HABP2: variants seen among roughly 807,000 people sequenced by gnomAD.
The protein encoded by HABP2 is hyaluronan binding protein 2, also known as factor VII-activating protease.
HABP2 carries 65 observed loss-of-function variants against 66.5 expected under a neutral mutation model. That is an observed-to-expected ratio of 0.98 (90% CI 0.80 to 1.20). The LOEUF is 1.20. HABP2 is among the 50% of genes most tolerant of loss of function. The pLI is 0.00. For missense variants in HABP2, 786 were observed against 691.0 expected (o/e 1.14, Z -1.54); for synonymous variants, 263 against 253.9 (o/e 1.04, Z -0.34).
intron 1 of HABP2, among the ~76,000 whole-genome samples, chr10:113,561,496 C>T (rs879546919): frequency 6.6e-6 from 1 of 152,134 alleles, no homozygotes; most frequent in Non-Finnish European, 1.5e-5. Flanking sequence ...GGTCTCTCCT[C>T]CCCAGCTGCC....
rs542838125 is a variant in HABP2 at position 113,574,405 on chromosome 10, G to A, written c.223G>A (p.Asp75Asn). 3.3e-5 allele frequency: 48 copies of A among 1,434,756 alleles called. No homozygotes were observed. In the South Asian group the frequency reaches 5.3e-4, roughly 16 times the overall value. 88.9% of individuals were successfully genotyped at this position (1,434,756 alleles called of 1,614,324 possible). The stretch of plus-strand genomic sequence containing the variant: ...CTGGTACTACACTGAGGACCAAGCT[G>A]GTAGGTACCAAATCTCTTTCAGGGA... ...PDWYYTEDQA[D>N]PCQPNPCEHG... The change falls in exon 3 of 13, where the codon GAT (aspartate) becomes AAT (asparagine). Residue 75 changes from aspartate to asparagine, a missense_variant and splice_region_variant. Coordinates refer to ENST00000351270, the MANE Select transcript of HABP2 (RefSeq NM_004132.5).
Position 113,575,953 on chromosome 10 carries a change from A to C in HABP2, c.280A>C (p.Thr94Pro). ...HGGDCLVHGS[T>P]FTCSCLAPFS... is the part of the protein sequence containing the mutation. ...TGGGGACTGCCTCGTCCATGGGAGC[A>C]CCTTCACATGCAGCTGCCTGGCTCC... The change falls in exon 4 of 13, where the codon ACC becomes CCC. Residue 94 changes from threonine to proline, a missense_variant. Transcript: ENST00000351270. 6.2e-7 allele frequency: 1 copy of C among 1,612,498 alleles called. No homozygotes were observed. Among genetic ancestry groups the C allele is most frequent in the Non-Finnish European group, 8.5e-7 (1 of 1,178,500 alleles).
chr10:113,565,988 C>T (rs1845190702), intron 1 of HABP2, among the ~76,000 whole-genome samples: 1 of 152,188 alleles, frequency 6.6e-6, no homozygotes, highest in Non-Finnish European at 1.5e-5. Flanking sequence ...TATCAGGATG[C>T]ATTATTTCTT....
chr10:113,563,280 G>C (rs1291139432), intron 1 of HABP2, among the ~76,000 whole-genome samples: 2 of 152,194 alleles, frequency 1.3e-5, no homozygotes, highest in Non-Finnish European at 1.5e-5. Flanking sequence ...TGGAATGATG[G>C]AATGAAAGGA....
Position 113,588,740 on chromosome 10 carries a change from A to ATTCCTCAGCC in HABP2, c.*372_*381dup. 1 of 558,630 alleles carries ATTCCTCAGCC rather than the reference A, an allele frequency of 1.8e-6. No individual in the cohort carries two copies. Among genetic ancestry groups the ATTCCTCAGCC allele is most frequent in the East Asian group, 2.9e-5 (1 of 34,580 alleles). The allele number at this position is 558,630 out of a possible 1,614,324, so 34.6% of individuals were successfully genotyped here. ...CAGCGGGAACCACCATCACATCTTTATTCCTCAGCCCAGACACTCGAGGCA... is the reference window on the plus strand; with the variant it reads ...CAGCGGGAACCACCATCACATCTTTATTCCTCAGCCTTCCTCAGCCCAGACACTCGAGGCA... On this transcript the variant is annotated 3_prime_UTR_variant, in exon 13 of 13. Coordinates refer to ENST00000351270, the MANE Select transcript of HABP2 (RefSeq NM_004132.5).
chr10:113,576,640 G>A (rs566042125), intron 4 of HABP2, among the ~76,000 whole-genome samples: 10 of 152,310 alleles, frequency 6.6e-5, no homozygotes, highest in East Asian at 5.8e-4. Flanking sequence ...ATCTTACTTC[G>A]TGGAGGGAAG....
intron 1 of HABP2, among the ~76,000 whole-genome samples, chr10:113,563,632 CG>C (rs1845141494): frequency 6.6e-6 from 1 of 152,288 alleles, no homozygotes; most frequent in South Asian, 2.1e-4. Context: ...AGGAAGGGCA[CG>C]TCTGCCACCT....
chr10:113,587,901 C>T (rs1032231633), intron 12 of HABP2, among the ~76,000 whole-genome samples: 1 of 152,094 alleles, frequency 6.6e-6, no homozygotes, highest in African/African-American at 2.4e-5. Context: ...CCTATGTGTG[C>T]TGAGGGCCCC....
At chr10:113,584,409 C>A in intron 11 of HABP2, 127 bp downstream of exon 11, 1 of 760,116 alleles carries the variant, frequency 1.3e-6, no homozygotes, top group Admixed American at 2.2e-5. Flanking sequence ...CCAAAGAAAG[C>A]ATCCACCTCA....
chr10:113,560,766 C>A (rs904847537), intron 1 of HABP2, among the ~76,000 whole-genome samples: 1 of 152,160 alleles, frequency 6.6e-6, no homozygotes, highest in Non-Finnish European at 1.5e-5. Context: ...AAGGCAGTCC[C>A]AGAAGGACAA....
chr10:113,588,265 G>A lies in HABP2; in HGVS notation c.1579G>A (p.Val527Met). 1 of 1,613,772 alleles carries A rather than the reference G, an allele frequency of 6.2e-7. No homozygotes were observed. Among genetic ancestry groups the A allele is most frequent in the Non-Finnish European group, 8.5e-7 (1 of 1,179,764 alleles). ...CGGCACCTACTACGTCTATGGGATA[G>A]TGAGCTGGGGCCTGGAGTGTGGGAA... ...KDGTYYVYGI[V>M]SWGLECGKRP... Residue 527 changes from valine (V) to methionine (M), a missense_variant, in exon 13 of 13, where the codon GTG (valine) becomes ATG (methionine). Transcript: ENST00000351270.
intron 3 of HABP2, among the ~76,000 whole-genome samples, 167 bp downstream of exon 3, chr10:113,574,572 A>G (rs895259076): frequency 3.3e-5 from 5 of 152,190 alleles, no homozygotes; most frequent in African/African-American, 9.7e-5. Flanking sequence ...TTCATATGCT[A>G]TGAGGACTGG....
intron 6 of HABP2, 47 bp downstream of exon 6, chr10:113,578,192 C>T (rs1845449014): frequency 1.3e-6 from 2 of 1,594,460 alleles, no homozygotes; most frequent in Non-Finnish European, 1.7e-6. Flanking sequence ...GCCTCTGGAA[C>T]CCTTTCCTCT....
chr10:113,554,864 G>A (rs1047583304), intron 1 of HABP2, among the ~76,000 whole-genome samples: 1 of 152,208 alleles, frequency 6.6e-6, no homozygotes, highest in South Asian at 2.1e-4. Flanking sequence ...ATGAGAGTTA[G>A]CCTTCAGGCA....
At chr10:113,559,993 C>T (rs955133209) in intron 1 of HABP2, among the ~76,000 whole-genome samples, 1 of 152,240 alleles carries the variant, frequency 6.6e-6, no homozygotes, top group Non-Finnish European at 1.5e-5. Context: ...TGCTGGGCCT[C>T]ATCTTCCTCC....
Position 113,589,553 on chromosome 10 carries a change from C to CTT in HABP2, c.*1185_*1186dup. The CTT allele has an allele frequency of 9.1e-6, 12 of 1,325,092 alleles. No homozygotes were observed. Among genetic ancestry groups the CTT allele is most frequent in the Non-Finnish European group, 1.2e-5 (12 of 967,616 alleles). 82.1% of individuals were successfully genotyped at this position (1,325,092 alleles called of 1,614,324 possible). A position where few individuals can be genotyped will look rare whatever the true frequency, so the allele number is the denominator to read the frequency against. ...CGCCTTGTTTGAGCTGCGTTTCACACTTCTTTAGAGCTAGCTGACCTTTGG... is the reference window on the plus strand; with the variant it reads ...CGCCTTGTTTGAGCTGCGTTTCACACTTTTCTTTAGAGCTAGCTGACCTTTGG... On this transcript the variant is annotated 3_prime_UTR_variant, in exon 13 of 13. Coordinates refer to ENST00000351270, the MANE Select transcript of HABP2 (RefSeq NM_004132.5).
rs567639148 is a variant in HABP2 at position 113,565,752 on chromosome 10, A to G, written c.70-1737A>G. Among the ~76,000 whole-genome samples the G allele has an allele frequency of 3.3e-5, 5 of 152,314 alleles. No homozygotes were observed. In the East Asian group the frequency reaches 9.7e-4, roughly 29 times the overall value. On this transcript the variant is annotated intron_variant, in intron 1 of 12. Transcript: ENST00000351270. Reference sequence around the variant, plus strand: ...AATCCAGGATCCAATTAAGAGTCACACACTGCATTTCGTTGCCATGTCCTT... The same window carrying G: ...AATCCAGGATCCAATTAAGAGTCACGCACTGCATTTCGTTGCCATGTCCTT...
intron 1 of HABP2, among the ~76,000 whole-genome samples, chr10:113,566,038 A>C (rs938494557): frequency 3.3e-5 from 5 of 152,208 alleles, no homozygotes; most frequent in African/African-American, 1.2e-4. Flanking sequence ...CCTAATTCCC[A>C]AAATCATGTA....
chr10:113,580,962 C>G (rs1189333073), intron 8 of HABP2, among the ~76,000 whole-genome samples: 1 of 152,192 alleles, frequency 6.6e-6, no homozygotes, highest in African/African-American at 2.4e-5. Flanking sequence ...GATATTTACC[C>G]ATCTCTTGCT....
Sources: gnomAD v4.1 joint callset for allele counts (sites outside exome capture counted in the v4.1 genomes callset) on GRCh38, gnomAD v4.1.1 for gene constraint, MANE v1.5 for transcripts, NCBI Gene and HGNC (gene_info 2026-07-23, HGNC 2026-07-21) for gene names.